B3GAT2: variants seen among roughly 807,000 people sequenced by gnomAD.
B3GAT2 encodes galactosylgalactosylxylosylprotein 3-beta-glucuronosyltransferase 2.
In B3GAT2, 26 loss-of-function variants were observed where a neutral mutation model predicts 27.8. The ratio of observed to expected loss-of-function variants is 0.93; its 90% CI spans 0.68 to 1.30. The LOEUF is 1.30. Ranked by LOEUF, B3GAT2 falls within the 50% of genes most tolerant of loss-of-function variation. The pLI is 0.00. For missense variants in B3GAT2, 458 were observed against 459.0 expected, an observed-to-expected ratio of 1.00 and a Z score of 0.02; for synonymous variants, 218 against 195.1, an observed-to-expected ratio of 1.12 and a Z score of -0.98.
intron 1 of B3GAT2, among the ~76,000 whole-genome samples, chr6:70,931,956 G>T (rs1198230701): frequency 6.6e-6 from 1 of 152,044 alleles, no homozygotes; most frequent in African/African-American, 2.4e-5. Context: ...GGCAGAATAG[G>T]CTTGAAGAGA....
intron 2 of B3GAT2, among the ~76,000 whole-genome samples, chr6:70,862,751 CTT>C (rs1771781760): frequency 6.6e-6 from 1 of 152,166 alleles, no homozygotes; most frequent in African/African-American, 2.4e-5. Flanking sequence ...AGAAGGATCT[CTT>C]GAGCCCAGGA....
At chr6:70,904,748 A>G (rs1226033206) in intron 1 of B3GAT2, among the ~76,000 whole-genome samples, 1 of 152,246 alleles carries the variant, frequency 6.6e-6, no homozygotes, top group Non-Finnish European at 1.5e-5. Flanking sequence ...CCATAAGTCT[A>G]TAATTACAGG....
intron 1 of B3GAT2, among the ~76,000 whole-genome samples, chr6:70,894,892 C>G (rs999611536): frequency 3.3e-5 from 5 of 152,214 alleles, no homozygotes; most frequent in Admixed American, 3.3e-4. Flanking sequence ...CCTTGTTACA[C>G]ACAGTGGAAT....
chr6:70,944,222 C>T (rs984896804), intron 1 of B3GAT2, among the ~76,000 whole-genome samples: 4 of 150,142 alleles, frequency 2.7e-5, no homozygotes, highest in Non-Finnish European at 3.0e-5. Flanking sequence ...AGACAGTGGG[C>T]GCAGGACAGT....
At chr6:70,905,917 G>A (rs1485030185) in intron 1 of B3GAT2, among the ~76,000 whole-genome samples, 1 of 152,082 alleles carries the variant, frequency 6.6e-6, no homozygotes, top group Non-Finnish European at 1.5e-5. Flanking sequence ...GTGTGTGTGT[G>A]TGCAGTGTGT....
At chr6:70,894,035 G>A (rs1474709909) in intron 2 of B3GAT2, 93 bp downstream of exon 2, 2 of 1,346,550 alleles carry the variant, frequency 1.5e-6, no homozygotes. Context: ...ATCCAAATTT[G>A]TCTTTTAAAG....
intron 1 of B3GAT2, among the ~76,000 whole-genome samples, chr6:70,916,708 G>C (rs1236174604): frequency 6.6e-6 from 1 of 152,176 alleles, no homozygotes; most frequent in Non-Finnish European, 1.5e-5. Flanking sequence ...TTATTGATTT[G>C]CCTATGTTGA....
Position 70,956,563 on chromosome 6 carries a change from T to C in B3GAT2, c.-134A>G, listed in dbSNP as rs925217871. 2.0e-6 allele frequency: 3 copies of C among 1,471,694 alleles called. No homozygotes were observed. Among genetic ancestry groups the C allele is most frequent in the Non-Finnish European group, 2.7e-6 (3 of 1,117,172 alleles). 91.2% of individuals were successfully genotyped at this position (1,471,694 alleles called of 1,614,324 possible). A position where few individuals can be genotyped will look rare whatever the true frequency, so the allele number is the denominator to read the frequency against. ...GCGCTGTCCATGGGGCCGAGGGCGC[T>C]GCAGAGACCTGGAGCCGCGGGGCTC... is the stretch of plus-strand genomic sequence containing the variant. On this transcript the variant is annotated 5_prime_UTR_variant, in exon 1 of 4. Transcript: ENST00000230053.
At chr6:70,928,799 T>C (rs1773008487) in intron 1 of B3GAT2, among the ~76,000 whole-genome samples, 1 of 151,958 alleles carries the variant, frequency 6.6e-6, no homozygotes, top group Non-Finnish European at 1.5e-5. Flanking sequence ...TAAAACAGTG[T>C]GGTGATTCCT....
Position 70,858,285 on chromosome 6 carries a change from ATCTTTT to A in B3GAT2, c.*3372_*3377del. 28 of 1,019,678 alleles carry A rather than the reference ATCTTTT, an allele frequency of 2.7e-5. No homozygotes were observed. The highest frequency in any genetic ancestry group is 1.6e-4 in the African/African-American group (8 of 48,740). 63.2% of individuals were successfully genotyped at this position (1,019,678 alleles called of 1,614,324 possible). Reference sequence around the variant, plus strand: ...AAATCAAACCAGATTTATTTTCTAAATCTTTTTTTTTTTTTTTTTTTTTTTTTTTTA... The same window carrying A: ...AAATCAAACCAGATTTATTTTCTAAATTTTTTTTTTTTTTTTTTTTTTTTA... On this transcript the variant is annotated 3_prime_UTR_variant, in exon 4 of 4. Coordinates refer to ENST00000230053, the MANE Select transcript of B3GAT2 (RefSeq NM_080742.3).
At position 70,859,423 on chromosome 6, in the gene B3GAT2, A is replaced by G. The variant is rs1262180087; in HGVS notation, c.*2240T>C. 2.0e-6 allele frequency: 3 copies of G among 1,528,496 alleles called. No homozygotes were observed. Among genetic ancestry groups the G allele is most frequent in the African/African-American group, 2.8e-5 (2 of 72,602 alleles). The allele number at this position is 1,528,496 out of a possible 1,614,324, so 94.7% of individuals were successfully genotyped here. A position where few individuals can be genotyped will look rare whatever the true frequency, so the allele number is the denominator to read the frequency against. Reference sequence around the variant, plus strand: ...TTAAAATGTCCTTTAGTAGGTATGAAGACGTGATCTGCTTCTTCAGACACT... The same window carrying G: ...TTAAAATGTCCTTTAGTAGGTATGAGGACGTGATCTGCTTCTTCAGACACT... On this transcript the variant is annotated 3_prime_UTR_variant, in exon 4 of 4. Coordinates refer to ENST00000230053, the MANE Select transcript of B3GAT2 (RefSeq NM_080742.3).
rs1036889420 is a variant in B3GAT2 at position 70,859,639 on chromosome 6, T to TTA, written c.*2022_*2023dup. On this transcript the variant is annotated 3_prime_UTR_variant, in exon 4 of 4. Coordinates refer to ENST00000230053, the MANE Select transcript of B3GAT2 (RefSeq NM_080742.3). ...TAAGAGAATCACAGGGTTAAGATGC[T>TTA]TATATATATATATATTTGACTCCAG... 775 of 306,588 alleles carry TTA rather than the reference T, an allele frequency of 2.5e-3. No individual in the cohort carries two copies. Among genetic ancestry groups the TTA allele is most frequent in the Middle Eastern group, 6.7e-3 (7 of 1,052 alleles). 19.0% of individuals were successfully genotyped at this position (306,588 alleles called of 1,614,324 possible).
intron 1 of B3GAT2, among the ~76,000 whole-genome samples, chr6:70,902,343 A>G (rs1482821174): frequency 6.6e-6 from 1 of 152,172 alleles, no homozygotes; most frequent in African/African-American, 2.4e-5. Flanking sequence ...CTAAAAAAAA[A>G]AAGTAGATGT....
chr6:70,867,690 C>G (rs543609170), intron 2 of B3GAT2, among the ~76,000 whole-genome samples: 3 of 152,240 alleles, frequency 2.0e-5, no homozygotes, highest in South Asian at 2.1e-4. Flanking sequence ...CACATACACA[C>G]AACCCTCCAG....
rs1765473674 is a variant in B3GAT2 at position 70,945,847 on chromosome 6, A to C, written c.591+9992T>G. Reference sequence around the variant, plus strand: ...GAAAGGTCGGGTTACCCACAAAGGGAAGCCCATCAGACTAACAGCCGATCT... The same window carrying C: ...GAAAGGTCGGGTTACCCACAAAGGGCAGCCCATCAGACTAACAGCCGATCT... On this transcript the variant is annotated intron_variant, in intron 1 of 3. Coordinates refer to ENST00000230053, the MANE Select transcript of B3GAT2 (RefSeq NM_080742.3). 2.0e-5 allele frequency among the ~76,000 whole-genome samples: 3 copies of C among 151,890 alleles called. 1 individual carries two copies. The South Asian group carries it at 6.3e-4, about 32-fold the overall frequency.
Position 70,858,091 on chromosome 6 carries a change from G to T in B3GAT2, c.*3572C>A. The T allele has an allele frequency of 6.2e-7, 1 of 1,614,036 alleles. No individual in the cohort carries two copies. The highest frequency in any genetic ancestry group is 1.1e-5 in the South Asian group (1 of 91,078). On this transcript the variant is annotated 3_prime_UTR_variant, in exon 4 of 4. Coordinates refer to ENST00000230053, the MANE Select transcript of B3GAT2 (RefSeq NM_080742.3). ...GCATGCCCATGCCCAATGGGTTTAT[G>T]GGAAATGCACAAACTGGTGTGATGC...
rs111266662 is a variant in B3GAT2, at chr6:70,927,836, T to C, written c.591+28003A>G. On this transcript the variant is annotated intron_variant, in intron 1 of 3. Transcript: ENST00000230053. ...GAACTCAGCTCTGCACCAAGTGGACTTAATAGACACATACAGAACTCTCCA... is the reference window on the plus strand; with the variant it reads ...GAACTCAGCTCTGCACCAAGTGGACCTAATAGACACATACAGAACTCTCCA... 9.3e-3 allele frequency among the ~76,000 whole-genome samples: 1,420 copies of C among 152,254 alleles called. 11 individuals are homozygous for C. Among genetic ancestry groups the C allele is most frequent in the Middle Eastern group, 0.048 (14 of 294 alleles).
At chr6:70,920,006 G>A (rs73491662) in intron 1 of B3GAT2, among the ~76,000 whole-genome samples, 198 of 152,270 alleles carry the variant, frequency 1.3e-3, no homozygotes, top group African/African-American at 4.5e-3. Flanking sequence ...CCCTGCCCCC[G>A]AGGTAGAATC....
chr6:70,929,015 G>C (rs1003646371), intron 1 of B3GAT2, among the ~76,000 whole-genome samples: 1 of 152,146 alleles, frequency 6.6e-6, no homozygotes, highest in African/African-American at 2.4e-5. Context: ...ATACACCATG[G>C]AATACTATGC....
Sources: allele counts gnomAD v4.1 joint callset (sites outside exome capture counted in the v4.1 genomes callset), GRCh38; gene constraint gnomAD v4.1.1; transcripts MANE v1.5; gene names NCBI Gene and HGNC (gene_info 2026-07-23, HGNC 2026-07-21).